NLGN3: variants seen among roughly 807,000 people sequenced by gnomAD.
NLGN3 encodes neuroligin 3, also known as neuroligin-3.
In NLGN3, 11 loss-of-function variants were observed where a neutral mutation model predicts 42.9. The observed-to-expected ratio is 0.26, with a 90% CI of 0.16 to 0.42. The LOEUF (loss-of-function observed/expected upper bound fraction) is 0.42. NLGN3 is among the 10% of genes least tolerant of loss of function. NLGN3 has a pLI of 1.00. For missense variants in NLGN3, 374 were observed against 733.8 expected (o/e 0.51, Z 5.67); for synonymous variants, 279 against 312.7 (o/e 0.89, Z 1.14).
rs1441701569 is a variant in NLGN3, at chrX:71,155,207, C to T, written c.578-7C>T. On this transcript the variant is annotated splice_polypyrimidine_tract_variant and splice_region_variant and intron_variant, in intron 4 of 7. Coordinates refer to ENST00000358741, the MANE Select transcript of NLGN3 (RefSeq NM_181303.2). ...CCCAGCCTGTGTCTCACCCCTTCTC[C>T]TTGCAGACATCCGGGACAGTGGTGC... 8.3e-7 allele frequency: 1 copy of T among 1,210,454 alleles called. No individual in the cohort carries two copies. Among genetic ancestry groups the T allele is most frequent in the Non-Finnish European group, 1.1e-6 (1 of 895,202 alleles).
intron 1 of NLGN3, among the ~76,000 whole-genome samples, chrX:71,145,171 A>G (rs1224174670): frequency 2.1e-5 from 2 of 95,398 alleles, no homozygotes; most frequent in Non-Finnish European, 4.2e-5. Flanking sequence ...CATCCCTAAC[A>G]TCCTCCCGCC....
At chrX:71,166,692 A>G (rs940233203) in intron 6 of NLGN3, among the ~76,000 whole-genome samples, 2 of 111,665 alleles carry the variant, frequency 1.8e-5, no homozygotes, top group African/African-American at 6.5e-5. Flanking sequence ...GCAGGAAGCA[A>G]GAGGGGAAGA....
Position 71,167,808 on chromosome X carries a change from GA to G in NLGN3, c.1703+12del, listed in dbSNP as rs1455799950. 3.3e-6 allele frequency: 4 copies of G among 1,202,397 alleles called. No homozygotes were observed. Among genetic ancestry groups the G allele is most frequent in the Non-Finnish European group, 4.5e-6 (4 of 887,304 alleles). Reference sequence around the variant, plus strand: ...CAACTTTGCCAAGACTGGGTAAGGAGAAAATAGGGTTTTTTTCCTCTTTGAG... The same window carrying G: ...CAACTTTGCCAAGACTGGGTAAGGAGAAATAGGGTTTTTTTCCTCTTTGAG... On this transcript the variant is annotated intron_variant, in intron 7 of 7. Transcript: ENST00000358741.
chrX:71,145,511 C>T (rs1176531496), intron 1 of NLGN3, among the ~76,000 whole-genome samples: 2 of 108,558 alleles, frequency 1.8e-5, no homozygotes, highest in African/African-American at 3.4e-5. Flanking sequence ...CGCTGCAGCC[C>T]CAAAAGTACC....
chrX:71,149,500 T>G (rs925786012), intron 3 of NLGN3, among the ~76,000 whole-genome samples: 7 of 111,619 alleles, frequency 6.3e-5, no homozygotes, highest in Non-Finnish European at 1.3e-4. Context: ...ATCCTGAATT[T>G]TAAATTTACC....
intron 3 of NLGN3, among the ~76,000 whole-genome samples, chrX:71,152,577 A>C (rs141819314): frequency 3.5e-4 from 39 of 111,822 alleles, no homozygotes; most frequent in African/African-American, 1.2e-3. Context: ...GTGAAACAAT[A>C]ATAAGGATAG....
Position 71,170,219 on chromosome X carries a change from A to G in NLGN3, c.*122A>G. ...CACACACATATATGTATACGCACGC[A>G]CCCACACCCTACAGCAGATCCACCT... is the stretch of plus-strand genomic sequence containing the variant. On this transcript the variant is annotated 3_prime_UTR_variant, in exon 8 of 8. Coordinates refer to ENST00000358741, the MANE Select transcript of NLGN3 (RefSeq NM_181303.2). 1 of 1,160,213 alleles carries G rather than the reference A, an allele frequency of 8.6e-7. No individual in the cohort carries two copies. Among genetic ancestry groups the G allele is most frequent in the Non-Finnish European group, 1.1e-6 (1 of 875,606 alleles).
downstream of NLGN3, among the ~76,000 whole-genome samples, chrX:71,171,439 G>A (rs1245030100): frequency 1.8e-5 from 2 of 109,976 alleles, no homozygotes; most frequent in African/African-American, 6.6e-5. Flanking sequence ...CCAGCGCGCT[G>A]GGTTCCTGCA....
chrX:71,149,293 T>C (rs959861662), intron 3 of NLGN3, among the ~76,000 whole-genome samples: 3 of 110,637 alleles, frequency 2.7e-5, no homozygotes, highest in Non-Finnish European at 5.7e-5. Context: ...TTCTTTCTCC[T>C]GGATTGAAAG....
At chrX:71,168,875 G>GA (rs199965401) in intron 7 of NLGN3, among the ~76,000 whole-genome samples, 2 of 71,722 alleles carry the variant, frequency 2.8e-5, no homozygotes, top group African/African-American at 9.4e-5. Context: ...GAAAGAGAAA[G>GA]AAAAGAAAGA....
At position 71,167,276 on chromosome X, in the gene NLGN3, G is replaced by A. The variant is rs776882728; in HGVS notation, c.1179G>A (p.Gln393=). 13 of 1,211,878 alleles carry A rather than the reference G, an allele frequency of 1.1e-5. No homozygotes were observed. In the South Asian group the frequency reaches 1.9e-4, roughly 18 times the overall value. Residue 393 remains glutamine, a synonymous_variant, in exon 7 of 8, where the codon CAG becomes CAA. Transcript: ENST00000358741. The part of the protein sequence containing the change: ...IPDDPEILME[Q]GEFLNYDIML... ...ATGACCCTGAGATCCTCATGGAGCA[G>A]GGCGAGTTCCTCAACTATGACATCA...
Position 71,148,308 on chromosome X carries a change from G to A in NLGN3, c.457+102G>A, listed in dbSNP as rs780355263. 87 of 677,542 alleles carry A rather than the reference G, an allele frequency of 1.3e-4. No homozygotes were observed. The South Asian group carries it at 1.9e-3, about 15-fold the overall frequency. The allele number at this position is 677,542 out of a possible 1,213,427, so 55.8% of individuals were successfully genotyped here. A position where few individuals can be genotyped will look rare whatever the true frequency, so the allele number is the denominator to read the frequency against. On this transcript the variant is annotated intron_variant, in intron 2 of 7. Coordinates refer to ENST00000358741, the MANE Select transcript of NLGN3 (RefSeq NM_181303.2). ...TGTGCCCTGCAGCATGCATCTGTCTGTCTGTGAAAATGCTTCTAACCATCA... is the reference window on the plus strand; with the variant it reads ...TGTGCCCTGCAGCATGCATCTGTCTATCTGTGAAAATGCTTCTAACCATCA...
chrX:71,157,144 C>G (rs948323150), intron 5 of NLGN3, among the ~76,000 whole-genome samples: 1 of 110,703 alleles, frequency 9.0e-6, no homozygotes, highest in Non-Finnish European at 1.9e-5. Flanking sequence ...GTGGCTTATT[C>G]CATGGCTAAC....
chrX:71,171,912 C>T (rs1267255939), downstream of NLGN3, among the ~76,000 whole-genome samples: 1 of 111,262 alleles, frequency 9.0e-6, no homozygotes, highest in Non-Finnish European at 1.9e-5. Flanking sequence ...TGGGAGTGTG[C>T]TCGGCAAGTA....
At chrX:71,171,856 G>C (rs1234194177), downstream of NLGN3, among the ~76,000 whole-genome samples, 1 of 111,695 alleles carries the variant, frequency 9.0e-6, no homozygotes, top group African/African-American at 3.3e-5. Flanking sequence ...CACAGGGTTA[G>C]CATTATGGGA....
Position 71,148,923 on chromosome X carries a change from G to A in NLGN3, c.517+18G>A, listed in dbSNP as rs1030996644. 1.9e-6 allele frequency: 2 copies of A among 1,030,445 alleles called. No homozygotes were observed. The highest frequency in any genetic ancestry group is 3.1e-5 in the Admixed American group (1 of 32,523). The allele number at this position is 1,030,445 out of a possible 1,213,427, so 84.9% of individuals were successfully genotyped here. On this transcript the variant is annotated intron_variant, in intron 3 of 7. Transcript: ENST00000358741. ...GAAAGGAGGTAGGTAGCGAGCCGGC[G>A]GGGAGGGAGAGAGAGAGAGAGGGAG...
rs1376528303 is a variant in NLGN3, at chrX:71,169,386, C to T, written c.1836C>T (p.Val612=). 8.3e-7 allele frequency: 1 copy of T among 1,205,946 alleles called. No individual in the cohort carries two copies. The highest frequency in any genetic ancestry group is 1.1e-6 in the Non-Finnish European group (1 of 892,384). The change falls in exon 8 of 8, where the codon GTC becomes GTT. Residue 612 remains valine (V), a synonymous_variant. Coordinates refer to ENST00000358741, the MANE Select transcript of NLGN3 (RefSeq NM_181303.2). ...LYLHIGLKPR[V]RDHYRATKVA... ...TTCACATCGGGCTGAAACCAAGGGTCCGAGATCATTACCGGGCCACTAAGG... is the reference window on the plus strand; with the variant it reads ...TTCACATCGGGCTGAAACCAAGGGTTCGAGATCATTACCGGGCCACTAAGG...
At chrX:71,150,468 G>A (rs1435711269) in intron 3 of NLGN3, among the ~76,000 whole-genome samples, 4 of 111,303 alleles carry the variant, frequency 3.6e-5, no homozygotes, top group Non-Finnish European at 7.6e-5. Flanking sequence ...TTGGGAGGCC[G>A]AGGCAGGTGG....
chrX:71,170,157 GCA>G lies in NLGN3; in HGVS notation c.*80_*81del, dbSNP rs112095862. On this transcript the variant is annotated 3_prime_UTR_variant, in exon 8 of 8. Coordinates refer to ENST00000358741, the MANE Select transcript of NLGN3 (RefSeq NM_181303.2). ...CTCCCTCCCAGATCCAGGAACACAT[GCA>G]CACACACACACACACACACGCAGAC... is the stretch of plus-strand genomic sequence containing the variant. 5,245 of 743,689 alleles carry G rather than the reference GCA, an allele frequency of 7.1e-3. No individual in the cohort carries two copies. The highest frequency in any genetic ancestry group is 0.022 in the East Asian group (378 of 17,171). The allele number at this position is 743,689 out of a possible 1,213,427, so 61.3% of individuals were successfully genotyped here.
Sources: allele counts gnomAD v4.1 joint callset (sites outside exome capture counted in the v4.1 genomes callset), GRCh38; gene constraint gnomAD v4.1.1; transcripts MANE v1.5; gene names NCBI Gene and HGNC (gene_info 2026-07-23, HGNC 2026-07-21).